The following LUC7L variants were observed in gnomAD, a reference collection of about 807,000 sequenced individuals.
LUC7L encodes the protein putative RNA-binding protein Luc7-like 1.
LUC7L carries 29 observed loss-of-function variants against 51.1 expected under a neutral mutation model. The observed-to-expected ratio is 0.57, with a 90% confidence interval of 0.42 to 0.77. LUC7L has a LOEUF of 0.77. Ranked by LOEUF, LUC7L falls within the 30% of genes least tolerant of loss-of-function variation. The pLI is 0.00. For missense variants in LUC7L, 403 were observed against 511.9 expected (o/e 0.79, Z 2.05); for synonymous variants, 181 against 180.7 (o/e 1.00, Z -0.01).
In LUC7L at chr16:208,207, A is replaced by G. The variant is rs770819515; in HGVS notation, c.256-19T>C. 6.5e-7 allele frequency: 1 copy of G among 1,539,526 alleles called. No homozygotes were observed. The highest frequency in any genetic ancestry group is 9.0e-7 in the Non-Finnish European group (1 of 1,112,638). On this transcript the variant is annotated intron_variant, in intron 3 of 9. Transcript: ENST00000293872. Reference sequence around the variant, plus strand: ...CCATTGCCTAGCACGGGAAAAGCACAGCGCTATAATCAATGATGTGTAAAG... The same window carrying G: ...CCATTGCCTAGCACGGGAAAAGCACGGCGCTATAATCAATGATGTGTAAAG...
intron 6 of LUC7L, among the ~76,000 whole-genome samples, chr16:196,435 AC>A (rs1302397756): frequency 2.0e-5 from 3 of 149,920 alleles, no homozygotes; most frequent in Non-Finnish European, 4.4e-5. Flanking sequence ...AACAAAAAAA[AC>A]CCAACAACTA....
chr16:219,415 ATAAAT>A (rs1189209600), intron 3 of LUC7L, among the ~76,000 whole-genome samples: 2 of 151,998 alleles, frequency 1.3e-5, no homozygotes, highest in East Asian at 3.8e-4. Flanking sequence ...AAAAATTAAA[ATAAAT>A]TAAATAAATA....
chr16:209,352 T>A (rs1160195895), intron 3 of LUC7L: 1 of 151,918 alleles, frequency 6.6e-6, no homozygotes, highest in Admixed American at 6.6e-5. Flanking sequence ...TAGCTGGGCG[T>A]GGTAGCATGC....
At chr16:211,631 C>T (rs751462431) in intron 3 of LUC7L, among the ~76,000 whole-genome samples, 17 of 152,158 alleles carry the variant, frequency 1.1e-4, no homozygotes, top group Non-Finnish European at 1.9e-4. Context: ...AAAAGACATT[C>T]GATTCCAAAA....
Position 192,955 on chromosome 16 carries a change from T to TCTC in LUC7L, c.745_747dup (p.Glu249dup). On this transcript the variant is annotated inframe_insertion, in exon 7 of 10. Transcript: ENST00000293872. ...CTGCTCAGACGCTCCTCCCGTTCCCTCTCCTCTCTCCTCCTCAAGCGATCC... is the reference window on the plus strand; with the variant it reads ...CTGCTCAGACGCTCCTCCCGTTCCCTCTCCTCCTCTCTCCTCCTCAAGCGATCC... 9 of 1,613,406 alleles carry TCTC rather than the reference T, an allele frequency of 5.6e-6. No individual in the cohort carries two copies. The highest frequency in any genetic ancestry group is 7.6e-6 in the Non-Finnish European group (9 of 1,179,956).
intron 6 of LUC7L, among the ~76,000 whole-genome samples, chr16:194,566 T>C (rs2049101274): frequency 6.6e-6 from 1 of 152,192 alleles, no homozygotes; most frequent in Non-Finnish European, 1.5e-5. Context: ...CAAACACATC[T>C]TGCTACTGGG....
Position 220,758 on chromosome 16 carries a change from G to C in LUC7L, c.157-11C>G. ...TCCTAAATCCATGCGCTGTGGGAAA[G>C]AAACAGAAAATGCAGACCTCAGTGC... On this transcript the variant is annotated splice_polypyrimidine_tract_variant and intron_variant, in intron 2 of 9. Coordinates refer to ENST00000293872, the MANE Select transcript of LUC7L (RefSeq NM_201412.3). 1 of 1,604,608 alleles carries C rather than the reference G, an allele frequency of 6.2e-7. No homozygotes were observed. The highest frequency in any genetic ancestry group is 8.5e-7 in the Non-Finnish European group (1 of 1,172,204).
intron 3 of LUC7L, among the ~76,000 whole-genome samples, chr16:213,542 G>A (rs1029504154): frequency 2.6e-5 from 4 of 151,952 alleles, no homozygotes; most frequent in Non-Finnish European, 5.9e-5. Context: ...TGGGATTGCA[G>A]GTGCACACCA....
intron 1 of LUC7L, 120 bp downstream of exon 1, chr16:229,159 G>A (rs1166978275): frequency 9.7e-6 from 14 of 1,441,262 alleles, no homozygotes; most frequent in Non-Finnish European, 1.2e-5. Flanking sequence ...GCGCGGGGGA[G>A]GAGGAGCGAT....
chr16:211,381 C>G (rs377557474), intron 3 of LUC7L, among the ~76,000 whole-genome samples: 1 of 151,412 alleles, frequency 6.6e-6, no homozygotes, highest in African/African-American at 2.4e-5. Flanking sequence ...TCGCTTGAAC[C>G]TGGGAGGCGG....
At chr16:228,428 C>G (rs1043002377) in intron 1 of LUC7L, 16 of 1,278,768 alleles carry the variant, frequency 1.3e-5, no homozygotes, top group Non-Finnish European at 1.6e-5. Flanking sequence ...AGAGGGGCCA[C>G]AATTGTTCAG....
intron 6 of LUC7L, among the ~76,000 whole-genome samples, chr16:194,076 T>C (rs2049087441): frequency 1.3e-5 from 2 of 151,924 alleles, no homozygotes; most frequent in African/African-American, 4.8e-5. Flanking sequence ...GTGCTGGGAT[T>C]ATAGGCATGA....
Position 199,988 on chromosome 16 carries a change from TA to T in LUC7L, c.511-751del, listed in dbSNP as rs35125097. ...CTGGCAACAGAGCGAGACTCCATCTTAAAAAAAAAAGGTACTAACAGGCTGG... is the reference window on the plus strand; with the variant it reads ...CTGGCAACAGAGCGAGACTCCATCTTAAAAAAAAAGGTACTAACAGGCTGG... On this transcript the variant is annotated intron_variant, in intron 5 of 9. Coordinates refer to ENST00000293872, the MANE Select transcript of LUC7L (RefSeq NM_201412.3). Among the ~76,000 whole-genome samples the T allele has an allele frequency of 2.2e-4, 32 of 147,484 alleles. No individual in the cohort carries two copies. In the East Asian group the frequency reaches 4.9e-3, roughly 23 times the overall value.
At chr16:207,051 T>G (rs1187108097) in intron 4 of LUC7L, among the ~76,000 whole-genome samples, 1 of 151,600 alleles carries the variant, frequency 6.6e-6, no homozygotes, top group African/African-American at 2.4e-5. Context: ...TACAAAAAAT[T>G]AGCTGGGCGT....
intron 3 of LUC7L, among the ~76,000 whole-genome samples, chr16:219,249 C>T (rs376376147): frequency 1.1e-4 from 16 of 152,050 alleles, no homozygotes; most frequent in African/African-American, 3.9e-4. Flanking sequence ...ATGAGCTGGG[C>T]ATGGTGGCGC....
intron 9 of LUC7L, 112 bp from the exon 10 acceptor site, chr16:189,451 A>G: frequency 1.4e-6 from 2 of 1,436,696 alleles, no homozygotes; most frequent in Admixed American, 2.8e-5. Flanking sequence ...TACATCCCCT[A>G]TACCTGGAAA....
chr16:203,125 G>T (rs1040338694), intron 5 of LUC7L, among the ~76,000 whole-genome samples: 2 of 152,154 alleles, frequency 1.3e-5, no homozygotes, highest in Non-Finnish European at 2.9e-5. Flanking sequence ...TCCAGCCTGG[G>T]CAACAGAGAG....
chr16:196,984 T>TGCAA lies in LUC7L; in HGVS notation c.687+2074_687+2077dup, dbSNP rs561200742. Among the ~76,000 whole-genome samples, 605 of 149,984 alleles carry TGCAA rather than the reference T, an allele frequency of 4.0e-3. 1 individual carries two copies. The highest frequency in any genetic ancestry group is 6.7e-3 in the Non-Finnish European group (453 of 67,814). Reference sequence around the variant, plus strand: ...GTGCAGTGGTGCAATTTCGGCTCAGTGCAAGCTCCGCCTCCCGGGTTGACA... The same window carrying TGCAA: ...GTGCAGTGGTGCAATTTCGGCTCAGTGCAAGCAAGCTCCGCCTCCCGGGTTGACA... On this transcript the variant is annotated intron_variant, in intron 6 of 9. Coordinates refer to ENST00000293872, the MANE Select transcript of LUC7L (RefSeq NM_201412.3).
intron 5 of LUC7L, among the ~76,000 whole-genome samples, chr16:200,820 G>A (rs533945208): frequency 1.2e-4 from 19 of 152,092 alleles, no homozygotes; most frequent in African/African-American, 3.9e-4. Context: ...AGGTTGAAGG[G>A]GCAGTGACCT....
Sources: gnomAD v4.1 joint callset for allele counts (sites outside exome capture counted in the v4.1 genomes callset) on GRCh38, gnomAD v4.1.1 for gene constraint, MANE v1.5 for transcripts, NCBI Gene and HGNC (gene_info 2026-07-23, HGNC 2026-07-21) for gene names.